SLC30A8: variants seen among roughly 807,000 people sequenced by gnomAD.
The protein encoded by SLC30A8 is solute carrier family 30 member 8, also known as proton-coupled zinc antiporter SLC30A8.
In SLC30A8, 27 loss-of-function variants were observed where a neutral mutation model predicts 36.9. The ratio of observed to expected loss-of-function variants is 0.73; its 90% CI spans 0.54 to 1.01. The LOEUF (loss-of-function observed/expected upper bound fraction) is 1.01, where lower values mean the gene tolerates loss of function less well. SLC30A8 is among the 50% of genes least tolerant of loss of function. SLC30A8 has a pLI of 0.00. For missense variants in SLC30A8, 439 were observed against 452.0 expected (o/e 0.97, Z 0.26); for synonymous variants, 164 against 172.4 (o/e 0.95, Z 0.38).
intron 1 of SLC30A8, among the ~76,000 whole-genome samples, chr8:117,020,050 A>G (rs1455669807): frequency 6.6e-6 from 1 of 152,164 alleles, no homozygotes; most frequent in African/African-American, 2.4e-5. Flanking sequence ...GATAGAACGC[A>G]ATTGCCTGTC....
upstream of SLC30A8, among the ~76,000 whole-genome samples, chr8:117,133,812 G>T (rs1164263410): frequency 6.6e-6 from 1 of 151,916 alleles, no homozygotes; most frequent in Admixed American, 6.6e-5. Flanking sequence ...AAATACATTG[G>T]TTTTTATTCT....
intron 2 of SLC30A8, among the ~76,000 whole-genome samples, chr8:117,123,624 A>AT (rs1264147247): frequency 7.2e-5 from 11 of 152,022 alleles, no homozygotes; most frequent in Non-Finnish European, 1.6e-4. Flanking sequence ...TTACTTTGTC[A>AT]TTTTTAACAG....
At chr8:116,960,879 G>A (rs1814391713) in intron 1 of SLC30A8, among the ~76,000 whole-genome samples, 1 of 152,108 alleles carries the variant, frequency 6.6e-6, no homozygotes. Context: ...GAATGTGAAA[G>A]ACCCTAATGT....
chr8:117,025,066 C>T (rs986166013), intron 1 of SLC30A8, among the ~76,000 whole-genome samples: 1 of 152,138 alleles, frequency 6.6e-6, no homozygotes, highest in African/African-American at 2.4e-5. Flanking sequence ...AGTATTCATT[C>T]TGTCACTTAG....
chr8:117,040,855 A>G (rs1192162897), intron 2 of SLC30A8, among the ~76,000 whole-genome samples: 2 of 152,164 alleles, frequency 1.3e-5, no homozygotes, highest in Admixed American at 1.3e-4. Flanking sequence ...TTTAACCCCT[A>G]TACATAGATC....
At chr8:117,066,237 T>A (rs1818165796) in intron 2 of SLC30A8, among the ~76,000 whole-genome samples, 1 of 152,146 alleles carries the variant, frequency 6.6e-6, no homozygotes, top group South Asian at 2.1e-4. Flanking sequence ...GCTTTATTGG[T>A]CCTGGGCAGC....
intron 2 of SLC30A8, among the ~76,000 whole-genome samples, chr8:117,121,196 TTTA>T (rs1820680120): frequency 6.6e-6 from 1 of 151,984 alleles, no homozygotes; most frequent in Non-Finnish European, 1.5e-5. Flanking sequence ...CATTCCTGTG[TTTA>T]TTGAAGCATT....
intron 1 of SLC30A8, among the ~76,000 whole-genome samples, chr8:116,974,028 A>G (rs932586595): frequency 6.6e-6 from 1 of 152,256 alleles, no homozygotes; most frequent in Non-Finnish European, 1.5e-5. Context: ...CACCTTATAC[A>G]TAAATTAATT....
intron 2 of SLC30A8, among the ~76,000 whole-genome samples, chr8:117,082,839 TAGACA>T (rs1328686141): frequency 2.6e-5 from 4 of 152,274 alleles, no homozygotes; most frequent in Non-Finnish European, 5.9e-5. Context: ...ACTTGATGCC[TAGACA>T]AGACAAGGAC....
chr8:117,032,781 T>G lies in SLC30A8; in HGVS notation c.-265-6438T>G, dbSNP rs1817096668. On this transcript the variant is annotated intron_variant, in intron 1 of 10. Transcript: ENST00000427715. ...GGTGGGTGCCTGTAATCTCAGCTAC[T>G]CAGGAGGCTGAGGCAAGAGAATAGC... Among the ~76,000 whole-genome samples, 3 of 151,838 alleles carry G rather than the reference T, an allele frequency of 2.0e-5. No homozygotes were observed. In the South Asian group the frequency reaches 6.2e-4, roughly 31 times the overall value.
chr8:117,007,872 T>A (rs985944249), intron 1 of SLC30A8, among the ~76,000 whole-genome samples: 2 of 152,162 alleles, frequency 1.3e-5, no homozygotes, highest in African/African-American at 2.4e-5. Context: ...ATATTAAAAA[T>A]TGATGTACAC....
intron 2 of SLC30A8, among the ~76,000 whole-genome samples, chr8:117,107,435 G>A (rs546411054): frequency 1.4e-4 from 21 of 152,284 alleles, no homozygotes; most frequent in Admixed American, 1.0e-3. Context: ...AGATGAGAAC[G>A]ATTAAGTAAT....
intron 2 of SLC30A8, among the ~76,000 whole-genome samples, chr8:117,048,268 C>CT (rs1009035336): frequency 1.1e-4 from 16 of 152,146 alleles, no homozygotes; most frequent in Non-Finnish European, 2.2e-4. Context: ...TTCAGTGGGA[C>CT]TGATCAGGCT....
At chr8:117,023,484 G>A (rs561957011) in intron 1 of SLC30A8, among the ~76,000 whole-genome samples, 728 of 152,202 alleles carry the variant, frequency 4.8e-3, no homozygotes, top group Non-Finnish European at 8.1e-3. Flanking sequence ...ATGTCCAACA[G>A]TGATAGACTG....
chr8:117,150,637 G>A (rs1213494923), intron 2 of SLC30A8, among the ~76,000 whole-genome samples: 1 of 151,902 alleles, frequency 6.6e-6, no homozygotes, highest in African/African-American at 2.4e-5. Flanking sequence ...ACGGGGTCTC[G>A]TTCTGTCACC....
chr8:116,963,400 C>T (rs1487099103), intron 1 of SLC30A8, among the ~76,000 whole-genome samples: 1 of 151,778 alleles, frequency 6.6e-6, no homozygotes, highest in East Asian at 1.9e-4. Flanking sequence ...TTTTCATCAC[C>T]CCCAAATGAA....
intron 1 of SLC30A8, among the ~76,000 whole-genome samples, chr8:116,989,648 AATG>A (rs1815563847): frequency 6.6e-6 from 1 of 152,186 alleles, no homozygotes; most frequent in Non-Finnish European, 1.5e-5. Flanking sequence ...ATAATAGAAA[AATG>A]ATGGTGAATG....
chr8:117,066,043 A>G (rs1184815181), intron 2 of SLC30A8, among the ~76,000 whole-genome samples: 1 of 152,136 alleles, frequency 6.6e-6, no homozygotes, highest in Non-Finnish European at 1.5e-5. Context: ...TTGGTGGAAC[A>G]CACAGGAAGG....
chr8:117,171,204 A>T, intron 7 of SLC30A8, 36 bp downstream of exon 7: 1 of 1,610,192 alleles, frequency 6.2e-7, no homozygotes, highest in South Asian at 1.1e-5. Flanking sequence ...GAAAAAATTC[A>T]GTCCTTGTCC....
Sources: gnomAD v4.1 joint callset for allele counts (sites outside exome capture counted in the v4.1 genomes callset) on GRCh38, gnomAD v4.1.1 for gene constraint, MANE v1.5 for transcripts, NCBI Gene and HGNC (gene_info 2026-07-23, HGNC 2026-07-21) for gene names.